ACAD11: variants seen among roughly 807,000 people sequenced by gnomAD.
ACAD11 encodes the protein acyl-Coenzyme A dehydrogenase family, member 11.
A neutral mutation model predicts 102.2 loss-of-function variants in ACAD11; 83 were observed. The ratio of observed to expected loss-of-function variants is 0.81; its 90% CI spans 0.68 to 0.97. The LOEUF (loss-of-function observed/expected upper bound fraction) is 0.97. Ranked by LOEUF, ACAD11 falls within the 50% of genes least tolerant of loss-of-function variation. ACAD11 has a pLI of 0.00. For missense variants in ACAD11, 901 were observed against 951.7 expected, an observed-to-expected ratio of 0.95 and a Z score of 0.70; for synonymous variants, 324 against 319.8, an observed-to-expected ratio of 1.01 and a Z score of -0.14.
chr3:132,641,880 A>C, intron 4 of ACAD11, 92 bp downstream of exon 4: 1 of 1,227,392 alleles, frequency 8.1e-7, no homozygotes, highest in South Asian at 2.0e-5. Context: ...CAAGCTTCAG[A>C]AAACTATACA....
intron 9 of ACAD11, among the ~76,000 whole-genome samples, chr3:132,623,480 T>C (rs1329420836): frequency 1.3e-5 from 2 of 151,926 alleles, no homozygotes; most frequent in African/African-American, 4.8e-5. Context: ...TTCTACAGGA[T>C]AAAACGTTTT....
At chr3:132,578,051 T>C (rs2107793571) in intron 15 of ACAD11, among the ~76,000 whole-genome samples, 1 of 152,244 alleles carries the variant, frequency 6.6e-6, no homozygotes, top group South Asian at 2.1e-4. Flanking sequence ...TCATTAGTCA[T>C]ATTCAATGAT....
At chr3:132,562,257 C>A (rs1056117329) in intron 17 of ACAD11, among the ~76,000 whole-genome samples, 7 of 152,200 alleles carry the variant, frequency 4.6e-5, no homozygotes, top group Non-Finnish European at 8.8e-5. Context: ...GCGCCCATCA[C>A]CATGCCTGGC....
chr3:132,641,972 C>T lies in ACAD11; in HGVS notation c.537G>A (p.Gln179=). Residue 179 remains glutamine, a splice_region_variant and synonymous_variant, in exon 4 of 20, where the codon CAG becomes CAA. Transcript: ENST00000264990. ...ATAGCTATTAATGTGGATGCATTAC[C>T]TGTCTTTTGCAGTACCCAGCACCTA... ...YGIGAGYCKR[Q]VSTWTKQYQA... is the part of the protein sequence containing the mutation. 1 of 1,593,494 alleles carries T rather than the reference C, an allele frequency of 6.3e-7. No individual in the cohort carries two copies.
intron 5 of ACAD11, among the ~76,000 whole-genome samples, chr3:132,638,298 G>A (rs1940349460): frequency 6.6e-5 from 10 of 152,002 alleles, no homozygotes; most frequent in Admixed American, 6.6e-4. Flanking sequence ...CCATTTTGCA[G>A]AATTTGGATG....
chr3:132,572,718 G>T (rs1937416676), intron 17 of ACAD11, among the ~76,000 whole-genome samples: 1 of 152,110 alleles, frequency 6.6e-6, no homozygotes, highest in Non-Finnish European at 1.5e-5. Flanking sequence ...GTAACAGAGA[G>T]CCCAGAAATG....
rs1266887685 is a variant in ACAD11 at position 132,637,727 on chromosome 3, C to T, written c.702+1765G>A. The stretch of plus-strand genomic sequence containing the variant: ...GCCTATTGTGCTACTGAAATACTTG[C>T]CCAAACATGCTTTAAATACTTTGTA... On this transcript the variant is annotated intron_variant, in intron 5 of 19. Transcript: ENST00000264990. Among the ~76,000 whole-genome samples the T allele has an allele frequency of 2.0e-5, 3 of 152,110 alleles. No individual in the cohort carries two copies. The East Asian group carries it at 5.8e-4, about 29-fold the overall frequency.
At position 132,597,981 on chromosome 3, in the gene ACAD11, A is replaced by G. The variant is rs185990066; in HGVS notation, c.1621+5248T>C. 3.3e-5 allele frequency among the ~76,000 whole-genome samples: 5 copies of G among 152,274 alleles called. No individual in the cohort carries two copies. In the East Asian group the frequency reaches 9.6e-4, roughly 29 times the overall value. ...TGGCACCCGGTTTTTACATAATGAA[A>G]GCAATTCTTCTATGTGGTGTCTTTC... On this transcript the variant is annotated intron_variant, in intron 13 of 19. Transcript: ENST00000264990.
chr3:132,608,577 C>T (rs749684342), intron 11 of ACAD11, among the ~76,000 whole-genome samples: 1 of 152,104 alleles, frequency 6.6e-6, no homozygotes, highest in Non-Finnish European at 1.5e-5. Context: ...GGGATCAATG[C>T]AACAAGAAGA....
chr3:132,653,422 G>A (rs963240595), intron 1 of ACAD11, among the ~76,000 whole-genome samples: 24 of 152,124 alleles, frequency 1.6e-4, no homozygotes, highest in African/African-American at 5.3e-4. Flanking sequence ...GCAGAAGGAC[G>A]TGCACATTTC....
intron 1 of ACAD11, among the ~76,000 whole-genome samples, chr3:132,657,531 C>G (rs538388424): frequency 6.6e-6 from 1 of 152,296 alleles, no homozygotes; most frequent in East Asian, 1.9e-4. Context: ...AAAAAGTTTG[C>G]AATATTGAAT....
At chr3:132,590,175 T>C (rs1016910457) in intron 13 of ACAD11, among the ~76,000 whole-genome samples, 3 of 152,228 alleles carry the variant, frequency 2.0e-5, no homozygotes, top group Non-Finnish European at 4.4e-5. Context: ...CATATGTCTT[T>C]ATGGTAGAAT....
chr3:132,631,612 G>T, intron 5 of ACAD11, 133 bp from the exon 6 acceptor site: 1 of 639,682 alleles, frequency 1.6e-6, no homozygotes, highest in Non-Finnish European at 2.3e-6. Context: ...ACCCACAGTG[G>T]CATATCTCAT....
chr3:132,616,056 T>C (rs1353994135), intron 11 of ACAD11, among the ~76,000 whole-genome samples: 2 of 152,160 alleles, frequency 1.3e-5, no homozygotes, highest in Admixed American at 6.5e-5. Flanking sequence ...CAACATCAAT[T>C]ATACTGCCTT....
intron 12 of ACAD11, among the ~76,000 whole-genome samples, chr3:132,603,631 A>C (rs1350816230): frequency 6.6e-6 from 1 of 152,236 alleles, no homozygotes; most frequent in Admixed American, 6.5e-5. Flanking sequence ...AAATGTAGAT[A>C]AAAGTATTGT....
intron 11 of ACAD11, 45 bp from the exon 12 acceptor site, chr3:132,605,250 C>A: frequency 6.9e-7 from 1 of 1,459,134 alleles, no homozygotes; most frequent in Non-Finnish European, 9.6e-7. Flanking sequence ...GAAAATTTAT[C>A]AGTATGAAAT....
At chr3:132,570,304 A>G in intron 17 of ACAD11, among the ~76,000 whole-genome samples, 1 of 152,118 alleles carries the variant, frequency 6.6e-6, no homozygotes, top group East Asian at 1.9e-4. Context: ...GTTGTGGGTT[A>G]CTGTTAAGCT....
In ACAD11 at chr3:132,585,470, C is replaced by T. The variant is rs1368715640; in HGVS notation, c.1622-5912G>A. Among the ~76,000 whole-genome samples the T allele has an allele frequency of 2.0e-5, 3 of 152,278 alleles. No homozygotes were observed. In the East Asian group the frequency reaches 5.8e-4, roughly 29 times the overall value. ...ATGTCTAAAACACCAAAAGCAATGT[C>T]AACAAAAGACAAAATTGACTTCAAT... On this transcript the variant is annotated intron_variant, in intron 13 of 19. Transcript: ENST00000264990.
At chr3:132,583,617 C>T (rs943541659) in intron 13 of ACAD11, among the ~76,000 whole-genome samples, 18 of 152,152 alleles carry the variant, frequency 1.2e-4, no homozygotes, top group African/African-American at 4.1e-4. Flanking sequence ...GCTCTTGCTT[C>T]TCTAGTTCTT....
Sources: allele counts gnomAD v4.1 joint callset (sites outside exome capture counted in the v4.1 genomes callset), GRCh38; gene constraint gnomAD v4.1.1; transcripts MANE v1.5; gene names NCBI Gene and HGNC (gene_info 2026-07-23, HGNC 2026-07-21).